The following DLGAP2 variants were observed in gnomAD, a reference collection of about 807,000 sequenced individuals.
The protein encoded by DLGAP2 is disks large-associated protein 2.
In DLGAP2, 26 loss-of-function variants were observed where a neutral mutation model predicts 100.3. The ratio of observed to expected loss-of-function variants is 0.26; its 90% CI spans 0.19 to 0.36. The LOEUF (loss-of-function observed/expected upper bound fraction) is 0.36, where lower values mean the gene tolerates loss of function less well. Among genes scored for constraint, DLGAP2 ranks in the 10% least tolerant of loss-of-function variants. The pLI, the probability that DLGAP2 is intolerant of heterozygous loss-of-function variation, is 1.00. For missense variants in DLGAP2, 1,858 were observed against 1,453.2 expected (o/e 1.28, Z -4.53); for synonymous variants, 886 against 630.1 (o/e 1.41, Z -6.08).
chr8:1,422,073 G>A (rs2129938509), intron 3 of DLGAP2, among the ~76,000 whole-genome samples: 1 of 152,292 alleles, frequency 6.6e-6, no homozygotes, highest in East Asian at 1.9e-4. Context: ...CCGAGGGCGA[G>A]GCTGCGTTTG....
intron 3 of DLGAP2, among the ~76,000 whole-genome samples, chr8:1,308,043 A>G (rs972435751): frequency 1.3e-5 from 2 of 152,194 alleles, no homozygotes; most frequent in Non-Finnish European, 2.9e-5. Flanking sequence ...ACCCATGTAC[A>G]TGGGGGAACG....
intron 1 of DLGAP2, among the ~76,000 whole-genome samples, chr8:823,399 A>G (rs1172057584): frequency 6.6e-6 from 1 of 152,066 alleles, no homozygotes; most frequent in Non-Finnish European, 1.5e-5. Context: ...TCAACTCTCC[A>G]TTGAAACTCC....
intron 3 of DLGAP2, among the ~76,000 whole-genome samples, chr8:1,387,036 T>C (rs1796236751): frequency 6.6e-6 from 1 of 152,194 alleles, no homozygotes; most frequent in South Asian, 2.1e-4. Context: ...GACGTCATAT[T>C]GGTAAGCCAG....
chr8:795,608 G>GGAACAGGTGTCCAGTGA lies in DLGAP2; in HGVS notation c.18+57785_18+57786insACAGGTGTCCAGTGAGA, dbSNP rs1563437436. Among the ~76,000 whole-genome samples the GGAACAGGTGTCCAGTGA allele has an allele frequency of 1.1e-4, 16 of 139,696 alleles. No homozygotes were observed. In the South Asian group the frequency reaches 3.3e-3, roughly 28 times the overall value. 91.6% of individuals were successfully genotyped at this position (139,696 alleles called of 152,430 possible). A position where few individuals can be genotyped will look rare whatever the true frequency, so the allele number is the denominator to read the frequency against. On this transcript the variant is annotated intron_variant, in intron 1 of 14. Coordinates refer to ENST00000637795, the MANE Select transcript of DLGAP2 (RefSeq NM_001346810.2). ...CATCGGAGACTCACAGGTCCGTCATGGAGCAGGTGTCCAGTGAGAGCAGGC... is the reference window on the plus strand; with the variant it reads ...CATCGGAGACTCACAGGTCCGTCATGGAACAGGTGTCCAGTGAGAGCAGGTGTCCAGTGAGAGCAGGC...
chr8:928,254 G>A (rs185536504), intron 2 of DLGAP2, among the ~76,000 whole-genome samples: 194 of 152,288 alleles, frequency 1.3e-3, no homozygotes, highest in Admixed American at 2.9e-3. Flanking sequence ...TCGAGTTTGC[G>A]TTCACTAGGT....
At position 1,678,453 on chromosome 8, in the gene DLGAP2, C is replaced by A; in HGVS notation, c.2528C>A (p.Pro843His). ...ACCCAAGTGGACACCTCCACCCTGC[C>A]CCCTCCAGACCCCTGGCTGGAGCCC... Reference protein sequence around the residue: ...YRTQVDTSTLPPPDPWLEPAI... With the variant: ...YRTQVDTSTLHPPDPWLEPAI... Residue 843 changes from proline to histidine, a missense_variant, in exon 12 of 15, where the codon CCC becomes CAC. Transcript: ENST00000637795. 6.2e-7 allele frequency: 1 copy of A among 1,613,508 alleles called. No homozygotes were observed. The highest frequency in any genetic ancestry group is 8.5e-7 in the Non-Finnish European group (1 of 1,179,724).
At chr8:970,721 G>A (rs1483718202) in intron 2 of DLGAP2, among the ~76,000 whole-genome samples, 1 of 152,082 alleles carries the variant, frequency 6.6e-6, no homozygotes, top group Non-Finnish European at 1.5e-5. Flanking sequence ...TTAAAATTTA[G>A]TGTAGGAAAA....
chr8:1,573,446 G>A (rs530193198), intron 6 of DLGAP2, among the ~76,000 whole-genome samples: 77 of 151,838 alleles, frequency 5.1e-4, no homozygotes, highest in Admixed American at 1.5e-3. Flanking sequence ...GGTGAACTGT[G>A]GGGGCATCTA....
rs376778482 is a variant in DLGAP2 at position 1,668,601 on chromosome 8, C to T, written c.2083C>T (p.Arg695Trp). 45 of 1,598,988 alleles carry T rather than the reference C, an allele frequency of 2.8e-5. No homozygotes were observed. Among genetic ancestry groups the T allele is most frequent in the Admixed American group, 3.4e-5 (2 of 58,180 alleles). Residue 695 changes from arginine (R) to tryptophan (W), a missense_variant, in exon 9 of 15, where the codon CGG becomes TGG. Arg to Trp is a moderately radical substitution (Grantham distance 101). Coordinates refer to ENST00000637795, the MANE Select transcript of DLGAP2 (RefSeq NM_001346810.2). ...HLPESQSSSV[R>W]TSDKAILVSK... ...GCCAGAGAGCCAGAGCAGCTCTGTG[C>T]GGACCAGCGACAAGGCCATCCTGGT...
intron 6 of DLGAP2, among the ~76,000 whole-genome samples, chr8:1,591,626 A>G (rs1796293718): frequency 6.6e-6 from 1 of 152,042 alleles, no homozygotes; most frequent in South Asian, 2.1e-4. Flanking sequence ...CCCACACCCG[A>G]TACTTGTCAC....
chr8:1,204,167 G>C (rs976018252), intron 2 of DLGAP2, among the ~76,000 whole-genome samples: 2 of 152,248 alleles, frequency 1.3e-5, no homozygotes, highest in East Asian at 3.9e-4. Context: ...AGTTTGAGTA[G>C]TGAGGGGGTA....
chr8:946,463 C>T (rs940998596), intron 2 of DLGAP2, among the ~76,000 whole-genome samples: 1 of 151,764 alleles, frequency 6.6e-6, no homozygotes, highest in Non-Finnish European at 1.5e-5. Flanking sequence ...CGGGGTTTCA[C>T]CATATTAGCC....
At chr8:1,545,116 G>A (rs545887099) in intron 4 of DLGAP2, among the ~76,000 whole-genome samples, 3 of 152,222 alleles carry the variant, frequency 2.0e-5, no homozygotes, top group East Asian at 3.9e-4. Flanking sequence ...TTTGCTAGCA[G>A]GGTAATTCTG....
chr8:1,292,654 C>A (rs17063773), intron 3 of DLGAP2, among the ~76,000 whole-genome samples: 2 of 152,176 alleles, frequency 1.3e-5, no homozygotes, highest in Non-Finnish European at 2.9e-5. Flanking sequence ...AATGTAACGG[C>A]CTCCGTCGCT....
intron 2 of DLGAP2, among the ~76,000 whole-genome samples, chr8:1,206,836 C>A (rs1464161244): frequency 1.3e-5 from 2 of 152,208 alleles, no homozygotes; most frequent in African/African-American, 4.8e-5. Context: ...TCTTCTGTCG[C>A]TGACACAGCA....
intron 1 of DLGAP2, among the ~76,000 whole-genome samples, chr8:764,304 G>A (rs1047872766): frequency 2.0e-5 from 3 of 152,290 alleles, no homozygotes; most frequent in Admixed American, 2.0e-4. Context: ...TTTCCATCTA[G>A]AGAAATTGCT....
chr8:1,216,456 C>T (rs1798215228), intron 2 of DLGAP2, among the ~76,000 whole-genome samples: 1 of 151,616 alleles, frequency 6.6e-6, no homozygotes, highest in African/African-American at 2.4e-5. Context: ...TCAGGAGATC[C>T]TCCCTCTTCA....
intron 2 of DLGAP2, among the ~76,000 whole-genome samples, chr8:1,177,192 C>T (rs1328018160): frequency 1.3e-5 from 2 of 152,174 alleles, no homozygotes; most frequent in Non-Finnish European, 2.9e-5. Flanking sequence ...GGGGCCCTTA[C>T]ATCTTTTCTT....
At chr8:1,613,968 A>AC (rs1584994308) in intron 6 of DLGAP2, among the ~76,000 whole-genome samples, 1 of 152,204 alleles carries the variant, frequency 6.6e-6, no homozygotes, top group African/African-American at 2.4e-5. Context: ...ACAAATATGA[A>AC]CAGTAAGGCC....
Sources: allele counts gnomAD v4.1 joint callset (sites outside exome capture counted in the v4.1 genomes callset), GRCh38; gene constraint gnomAD v4.1.1; transcripts MANE v1.5; gene names NCBI Gene and HGNC (gene_info 2026-07-23, HGNC 2026-07-21).